Variants in CHFR observed in about 807,000 individuals in gnomAD.
CHFR encodes the protein E3 ubiquitin-protein ligase CHFR.
CHFR carries 57 observed loss-of-function variants against 87.6 expected under a neutral mutation model. The observed-to-expected ratio is 0.65, with a 90% confidence interval of 0.53 to 0.81. The LOEUF is 0.81. Ranked by LOEUF, CHFR falls within the 30% of genes least tolerant of loss-of-function variation. The pLI is 0.00. For missense variants in CHFR, 797 were observed against 865.8 expected, an observed-to-expected ratio of 0.92 and a Z score of 1.00; for synonymous variants, 381 against 359.2, an observed-to-expected ratio of 1.06 and a Z score of -0.69.
intron 6 of CHFR, chr12:132,866,873 A>C (rs1951357322): frequency 1.3e-5 from 2 of 152,236 alleles, no homozygotes. Context: ...TCTACTAAAA[A>C]TACAAAAATT....
At chr12:132,855,771 A>G (rs1014465797) in intron 10 of CHFR, among the ~76,000 whole-genome samples, 1 of 152,206 alleles carries the variant, frequency 6.6e-6, no homozygotes, top group African/African-American at 2.4e-5. Flanking sequence ...TCTTAATGCT[A>G]AAGTGGTTTT....
rs760536621 is a variant in CHFR at position 132,836,742 on chromosome 12, CAGAGGA to C, written c.*4806_*4811del. 2 of 456,084 alleles carry C rather than the reference CAGAGGA, an allele frequency of 4.4e-6. No individual in the cohort carries two copies. Among genetic ancestry groups the C allele is most frequent in the South Asian group, 3.1e-5 (2 of 64,566 alleles). The allele number at this position is 456,084 out of a possible 1,614,324, so 28.3% of individuals were successfully genotyped here. ...GGAGACAACCGTGAAAAGTGAGCGA[CAGAGGA>C]AGGGGCGCCTGTTTGTGCCGCGGGA... On this transcript the variant is annotated 3_prime_UTR_variant, in exon 18 of 18. Coordinates refer to ENST00000450056, the MANE Select transcript of CHFR (RefSeq NM_001161346.2).
intron 8 of CHFR, among the ~76,000 whole-genome samples, chr12:132,858,060 T>A (rs1043832151): frequency 6.6e-6 from 1 of 151,938 alleles, no homozygotes; most frequent in Non-Finnish European, 1.5e-5. Flanking sequence ...GTGCCACGAG[T>A]AGAATGAAAG....
At chr12:132,852,595 G>A (rs1950972543) in intron 11 of CHFR, among the ~76,000 whole-genome samples, 2 of 152,224 alleles carry the variant, frequency 1.3e-5, no homozygotes, top group Admixed American at 1.3e-4. Flanking sequence ...AGGGACCCAG[G>A]ACCCCAGAGG....
intron 3 of CHFR, among the ~76,000 whole-genome samples, chr12:132,873,574 T>C (rs1463578143): frequency 6.6e-6 from 1 of 150,530 alleles, no homozygotes; most frequent in Admixed American, 6.6e-5. Context: ...CACACGGACT[T>C]GGGTGCATGC....
intron 6 of CHFR, among the ~76,000 whole-genome samples, chr12:132,869,417 A>G (rs1344369824): frequency 2.0e-5 from 3 of 152,104 alleles, no homozygotes; most frequent in Non-Finnish European, 4.4e-5. Context: ...CAAAATACAC[A>G]ATGGTACTAG....
At chr12:132,875,516 G>A (rs1000151857) in intron 3 of CHFR, among the ~76,000 whole-genome samples, 3 of 152,238 alleles carry the variant, frequency 2.0e-5, no homozygotes, top group Non-Finnish European at 4.4e-5. Context: ...CCAGCTACTC[G>A]GGAGGCTGAG....
At chr12:132,886,133 G>A (rs1022631331) in intron 2 of CHFR, among the ~76,000 whole-genome samples, 6 of 152,036 alleles carry the variant, frequency 3.9e-5, no homozygotes, top group South Asian at 2.1e-4. Flanking sequence ...GCAATATGGC[G>A]AAAGCTCATC....
rs112474658 is a variant in CHFR at position 132,835,912 on chromosome 12, G to A, written c.*5642C>T. 0.087 allele frequency: 17,141 copies of A among 196,848 alleles called. 968 individuals are homozygous for A. The highest frequency in any genetic ancestry group is 0.12 in the Non-Finnish European group (12,237 of 104,548). 12.2% of individuals were successfully genotyped at this position (196,848 alleles called of 1,614,324 possible). On this transcript the variant is annotated 3_prime_UTR_variant, in exon 18 of 18. Transcript: ENST00000450056. ...ACTCACAGTGCCAGGCTCCCAGCAC[G>A]GCGCACGGCACTCACAGTGACAGGC...
At chr12:132,880,201 G>C (rs1951734259) in intron 2 of CHFR, among the ~76,000 whole-genome samples, 1 of 152,158 alleles carries the variant, frequency 6.6e-6, no homozygotes, top group Non-Finnish European at 1.5e-5. Context: ...GCTGTGTAAG[G>C]ATGGCCAGAC....
At chr12:132,878,881 A>G (rs1951697435) in intron 2 of CHFR, among the ~76,000 whole-genome samples, 1 of 151,732 alleles carries the variant, frequency 6.6e-6, no homozygotes, top group Non-Finnish European at 1.5e-5. Flanking sequence ...ATCTTAATTT[A>G]GTCCTTAATT....
At chr12:132,845,279 C>G (rs1043810078) in intron 15 of CHFR, among the ~76,000 whole-genome samples, 1 of 151,682 alleles carries the variant, frequency 6.6e-6, no homozygotes, top group African/African-American at 2.4e-5. Context: ...GATGGTGAAA[C>G]CTCACCTCTA....
At chr12:132,853,277 C>A (rs1950985896) in intron 11 of CHFR, among the ~76,000 whole-genome samples, 154 bp downstream of exon 11, 1 of 152,248 alleles carries the variant, frequency 6.6e-6, no homozygotes, top group African/African-American at 2.4e-5. Flanking sequence ...AAGCAACCAA[C>A]TGTGAGTGCA....
chr12:132,878,966 A>C (rs1951699633), intron 2 of CHFR, among the ~76,000 whole-genome samples: 1 of 151,352 alleles, frequency 6.6e-6, no homozygotes, highest in African/African-American at 2.4e-5. Flanking sequence ...AAAGTGACTG[A>C]GCCAACTGTG....
chr12:132,862,613 C>T (rs987753476), intron 6 of CHFR, among the ~76,000 whole-genome samples: 6 of 151,586 alleles, frequency 4.0e-5, no homozygotes, highest in Admixed American at 2.0e-4. Context: ...TTTTTTGAGA[C>T]GGACTCTTGC....
chr12:132,856,546 C>G lies in CHFR; in HGVS notation c.1151G>C (p.Arg384Pro). 1.2e-6 allele frequency: 2 copies of G among 1,614,226 alleles called. No homozygotes were observed. The highest frequency in any genetic ancestry group is 1.7e-6 in the Non-Finnish European group (2 of 1,180,026). ...ACTCCCTTCTTCATCAGAAAAAGAC[C>G]GCCTGACTTTGGGCTGCAGCATGTC... ...TQDMLQPKVR[R>P]SFSDEEGSSE... Residue 384 changes from arginine (R) to proline (P), a missense_variant, in exon 10 of 18, where the codon CGG becomes CCG. By Grantham distance (103) the Arg-to-Pro change is moderately radical. Around this residue, in one of 2 missense-constraint regions of CHFR, gnomAD observed 597 missense variants for 601.2 expected, o/e 0.99. Coordinates refer to ENST00000450056, the MANE Select transcript of CHFR (RefSeq NM_001161346.2).
chr12:132,871,295 T>C (rs982055752), intron 4 of CHFR, among the ~76,000 whole-genome samples: 33 of 151,790 alleles, frequency 2.2e-4, no homozygotes, highest in African/African-American at 7.7e-4. Flanking sequence ...GTACTAAAAA[T>C]ACAAAAATTA....
chr12:132,869,629 G>C lies in CHFR; in HGVS notation c.573C>G (p.Ser191=). The C allele has an allele frequency of 6.4e-7, 1 of 1,551,614 alleles. No homozygotes were observed. Among genetic ancestry groups the C allele is most frequent in the South Asian group, 1.2e-5 (1 of 84,064 alleles). The change falls in exon 6 of 18, where the codon TCC becomes TCG. Residue 191 remains serine, a synonymous_variant. Coordinates refer to ENST00000450056, the MANE Select transcript of CHFR (RefSeq NM_001161346.2). ...TEPSPAGRER[S]SSCGSGGGGI... is the part of the protein sequence containing the mutation. ...GAGATGTGACCTCACCACAACTGGA[G>C]GAACGCTCTCGCCCTGCAGGAGAAG...
In CHFR at chr12:132,844,148, A is replaced by T; in HGVS notation, c.1736-14T>A. ...TGACTCTGTAATCTGGAAGAAACAC[A>T]GCCAGTTACCCAGCAACACCATCTT... On this transcript the variant is annotated splice_polypyrimidine_tract_variant and intron_variant, in intron 15 of 17. Transcript: ENST00000450056. 2 of 1,560,776 alleles carry T rather than the reference A, an allele frequency of 1.3e-6. No homozygotes were observed. The highest frequency in any genetic ancestry group is 1.8e-6 in the Non-Finnish European group (2 of 1,136,678).
Sources: allele counts gnomAD v4.1 joint callset (sites outside exome capture counted in the v4.1 genomes callset), GRCh38; gene constraint gnomAD v4.1.1; regional missense constraint gnomAD v4.1.1; transcripts MANE v1.5; gene names NCBI Gene and HGNC (gene_info 2026-07-23, HGNC 2026-07-21).